PEX14: variants seen among roughly 807,000 people sequenced by gnomAD.
PEX14 encodes peroxisomal membrane protein PEX14.
A neutral mutation model predicts 49.5 loss-of-function variants in PEX14; 15 were observed. The observed-to-expected ratio is 0.30, with a 90% confidence interval of 0.20 to 0.47. The LOEUF is 0.47. PEX14 is among the 20% of genes least tolerant of loss of function. The pLI is 1.00. For missense variants in PEX14, 398 were observed against 494.8 expected, an observed-to-expected ratio of 0.80 and a Z score of 1.86; for synonymous variants, 210 against 212.7, an observed-to-expected ratio of 0.99 and a Z score of 0.11.
At chr1:10,625,885 G>C (rs991204372) in intron 7 of PEX14, among the ~76,000 whole-genome samples, 1 of 152,216 alleles carries the variant, frequency 6.6e-6, no homozygotes. Flanking sequence ...AGCTGGCTTT[G>C]CTGCCGCTGT....
intron 5 of PEX14, among the ~76,000 whole-genome samples, chr1:10,621,241 C>A (rs1641582568): frequency 6.6e-6 from 1 of 150,964 alleles, no homozygotes; most frequent in South Asian, 2.1e-4. Context: ...GCTTTATAAG[C>A]ACGTGAAGAC....
chr1:10,624,202 T>C (rs757807849), intron 6 of PEX14, 138 bp from the exon 7 acceptor site: 30 of 757,708 alleles, frequency 4.0e-5, no homozygotes, highest in Non-Finnish European at 6.6e-5. Context: ...ATAAATTAGA[T>C]GGATTGCGGG....
At chr1:10,536,035 G>T in intron 2 of PEX14, 178 bp from the exon 3 acceptor site, 1 of 623,864 alleles carries the variant, frequency 1.6e-6, no homozygotes, top group Non-Finnish European at 3.0e-6. Flanking sequence ...AGTGAAGACA[G>T]GGAAACAACA....
rs565551808 is a variant in PEX14 at position 10,614,984 on chromosome 1, A to G, written c.299-3348A>G. Reference sequence around the variant, plus strand: ...CGGCTCCTTGGGGTCGAGGTGAAAGATCCGTCTGCCTCAGTGCTCTTAGAG... The same window carrying G: ...CGGCTCCTTGGGGTCGAGGTGAAAGGTCCGTCTGCCTCAGTGCTCTTAGAG... On this transcript the variant is annotated intron_variant, in intron 4 of 8. Coordinates refer to ENST00000356607, the MANE Select transcript of PEX14 (RefSeq NM_004565.3). Among the ~76,000 whole-genome samples, 12 of 152,292 alleles carry G rather than the reference A, an allele frequency of 7.9e-5. 1 individual carries two copies. Among genetic ancestry groups the G allele is most frequent in the African/African-American group, 2.2e-4 (9 of 41,574 alleles).
chr1:10,485,553 G>A (rs1641353536), intron 1 of PEX14, among the ~76,000 whole-genome samples: 1 of 151,186 alleles, frequency 6.6e-6, no homozygotes. Context: ...TTCTGGACTT[G>A]AGTAGCCCTC....
chr1:10,567,248 T>C (rs1012076468), intron 3 of PEX14, among the ~76,000 whole-genome samples: 1 of 152,242 alleles, frequency 6.6e-6, no homozygotes, highest in Non-Finnish European at 1.5e-5. Context: ...CTGGCTGTAG[T>C]TTCCCATCTC....
intron 4 of PEX14, among the ~76,000 whole-genome samples, chr1:10,617,313 G>T (rs1019090972): frequency 1.2e-4 from 18 of 152,014 alleles, no homozygotes; most frequent in African/African-American, 4.1e-4. Context: ...TTCTGCCTCT[G>T]CGGCCCCCAC....
chr1:10,583,667 T>TAA (rs55964771), intron 3 of PEX14, among the ~76,000 whole-genome samples: 3 of 151,830 alleles, frequency 2.0e-5, no homozygotes, highest in East Asian at 2.0e-4. Flanking sequence ...AATATAAACA[T>TAA]GAGTAAGAGC....
At chr1:10,508,822 C>T (rs1300967711) in intron 2 of PEX14, among the ~76,000 whole-genome samples, 1 of 152,204 alleles carries the variant, frequency 6.6e-6, no homozygotes, top group African/African-American at 2.4e-5. Context: ...GGGCCACTTT[C>T]TTGTGGCTTT....
At chr1:10,524,465 TA>T in intron 2 of PEX14, 1 of 933,158 alleles carries the variant, frequency 1.1e-6, no homozygotes. Context: ...AGATGCTCAA[TA>T]AACTGATTTG....
At chr1:10,555,578 C>T (rs1639461292) in intron 3 of PEX14, among the ~76,000 whole-genome samples, 1 of 151,904 alleles carries the variant, frequency 6.6e-6, no homozygotes, top group South Asian at 2.1e-4. Context: ...AGCTCTAATC[C>T]TCAGGGAAGA....
At chr1:10,559,519 C>A (rs966112896) in intron 3 of PEX14, among the ~76,000 whole-genome samples, 1 of 152,130 alleles carries the variant, frequency 6.6e-6, no homozygotes, top group Non-Finnish European at 1.5e-5. Context: ...AGTGAGTAGA[C>A]CCCTGTGTGA....
intron 4 of PEX14, among the ~76,000 whole-genome samples, chr1:10,601,618 G>A (rs1247443403): frequency 6.6e-6 from 1 of 152,226 alleles, no homozygotes; most frequent in African/African-American, 2.4e-5. Flanking sequence ...TTGCATGGGT[G>A]ACCCACTGCA....
At chr1:10,573,582 T>C (rs1394051091) in intron 3 of PEX14, among the ~76,000 whole-genome samples, 1 of 152,126 alleles carries the variant, frequency 6.6e-6, no homozygotes, top group African/African-American at 2.4e-5. Context: ...TGGCGAAAAT[T>C]TAAAAGGCTG....
rs1000167270 is a variant in PEX14 at position 10,624,265 on chromosome 1, G to A, written c.488-75G>A. 4.3e-6 allele frequency: 4 copies of A among 925,808 alleles called. No individual in the cohort carries two copies. In the African/African-American group the frequency reaches 4.9e-5, roughly 11 times the overall value. 57.3% of individuals were successfully genotyped at this position (925,808 alleles called of 1,614,324 possible). A position where few individuals can be genotyped will look rare whatever the true frequency, so the allele number is the denominator to read the frequency against. On this transcript the variant is annotated intron_variant, in intron 6 of 8. Transcript: ENST00000356607. ...ATGGAGCGGGAACACGGGCAGCTCC[G>A]AGGTGTGCGGACCGAGCGAGGGGAA... is the stretch of plus-strand genomic sequence containing the variant.
chr1:10,577,410 C>CAAAA (rs70997256), intron 3 of PEX14, among the ~76,000 whole-genome samples: 23,755 of 99,094 alleles, frequency 0.24, 4,866 homozygotes, highest in South Asian at 0.28. Context: ...AAAAAAAAAC[C>CAAAA]AAAAAAAAAA....
At chr1:10,532,231 T>C (rs930736685) in intron 2 of PEX14, among the ~76,000 whole-genome samples, 26 of 152,204 alleles carry the variant, frequency 1.7e-4, no homozygotes, top group Non-Finnish European at 2.4e-4. Flanking sequence ...ACCATTGTTA[T>C]GAGACTGCAA....
At chr1:10,528,441 C>A in intron 2 of PEX14, 1 of 231,462 alleles carries the variant, frequency 4.3e-6, no homozygotes, top group Non-Finnish European at 7.1e-6. Flanking sequence ...GCAGTGTTAT[C>A]ATTAGGGAGG....
intron 3 of PEX14, among the ~76,000 whole-genome samples, chr1:10,551,496 G>A (rs1227098367): frequency 6.6e-6 from 1 of 152,134 alleles, no homozygotes; most frequent in Admixed American, 6.5e-5. Context: ...CACGGATTCG[G>A]CTTGGAGATT....
Sources: gnomAD v4.1 joint callset for allele counts (sites outside exome capture counted in the v4.1 genomes callset) on GRCh38, gnomAD v4.1.1 for gene constraint, MANE v1.5 for transcripts, NCBI Gene and HGNC (gene_info 2026-07-23, HGNC 2026-07-21) for gene names.